The following NDST4 variants were observed in gnomAD, a reference collection of about 807,000 sequenced individuals.
NDST4 encodes the protein N-deacetylase and N-sulfotransferase 4.
Under a neutral mutation model 100.8 loss-of-function variants are expected in NDST4, and 63 were observed. The ratio of observed to expected loss-of-function variants is 0.62; its 90% CI spans 0.51 to 0.77. NDST4 has a LOEUF of 0.77. Ranked by LOEUF, NDST4 falls within the 30% of genes least tolerant of loss-of-function variation. The pLI is 0.00. For synonymous variants in NDST4, 377 were observed against 361.8 expected, an observed-to-expected ratio of 1.04 and a Z score of -0.48; for missense variants, 943 against 1,018.4, an observed-to-expected ratio of 0.93 and a Z score of 1.01.
chr4:114,846,120 A>G, intron 9 of NDST4, 123 bp from the exon 10 acceptor site: 1 of 787,134 alleles, frequency 1.3e-6, no homozygotes, highest in Non-Finnish European at 2.0e-6. Context: ...ATGCTGTTAT[A>G]GTTTAAATAA....
chr4:114,986,598 C>T (rs1726906367), intron 2 of NDST4, among the ~76,000 whole-genome samples: 1 of 151,778 alleles, frequency 6.6e-6, no homozygotes, highest in African/African-American at 2.4e-5. Context: ...AAGATCATCT[C>T]AAACTATGTC....
At chr4:115,056,818 T>C (rs1578487501) in intron 2 of NDST4, among the ~76,000 whole-genome samples, 1 of 152,174 alleles carries the variant, frequency 6.6e-6, no homozygotes, top group East Asian at 1.9e-4. Context: ...TTGATGTTCT[T>C]TTATGAAATG....
At chr4:115,084,833 A>G (rs1362879456) in intron 1 of NDST4, among the ~76,000 whole-genome samples, 1 of 151,398 alleles carries the variant, frequency 6.6e-6, no homozygotes, top group Non-Finnish European at 1.5e-5. Context: ...TTCATGGAGA[A>G]CCTCTTCTAG....
chr4:115,031,704 G>C (rs766231468), intron 2 of NDST4, among the ~76,000 whole-genome samples: 39 of 152,098 alleles, frequency 2.6e-4, no homozygotes, highest in African/African-American at 7.7e-4. Flanking sequence ...AGAGTGAAAA[G>C]TTGTCCTAGT....
At chr4:114,834,357 T>C (rs1206410211) in intron 11 of NDST4, among the ~76,000 whole-genome samples, 1 of 151,780 alleles carries the variant, frequency 6.6e-6, no homozygotes, top group Non-Finnish European at 1.5e-5. Flanking sequence ...CTACTAAAAA[T>C]ACAAAAATTA....
chr4:115,089,739 G>A (rs938219966), intron 1 of NDST4, among the ~76,000 whole-genome samples: 4 of 151,770 alleles, frequency 2.6e-5, no homozygotes, highest in South Asian at 2.1e-4. Flanking sequence ...TTAAATTGAC[G>A]TTCAATGTTA....
chr4:115,056,835 A>G (rs1046446921), intron 2 of NDST4, among the ~76,000 whole-genome samples: 2 of 152,190 alleles, frequency 1.3e-5, no homozygotes, highest in Non-Finnish European at 2.9e-5. Context: ...AATGTAAATT[A>G]TAGAAAAAGA....
chr4:115,098,653 C>A (rs72900643), intron 1 of NDST4, among the ~76,000 whole-genome samples: 4,397 of 152,144 alleles, frequency 0.029, 220 homozygotes, highest in African/African-American at 0.1. Flanking sequence ...GAATAGTGAT[C>A]CCAAAAATAA....
chr4:114,838,005 CA>C (rs1315752143), intron 11 of NDST4, among the ~76,000 whole-genome samples: 1 of 152,104 alleles, frequency 6.6e-6, no homozygotes, highest in Non-Finnish European at 1.5e-5. Flanking sequence ...AAGAAGTAGG[CA>C]AAGTATATGA....
At chr4:114,905,103 C>A (rs1260867864) in intron 6 of NDST4, among the ~76,000 whole-genome samples, 1 of 149,196 alleles carries the variant, frequency 6.7e-6, no homozygotes, top group Non-Finnish European at 1.5e-5. Context: ...TCTACCCTGT[C>A]AAAAATTTAG....
At chr4:115,058,707 A>G (rs1412808756) in intron 2 of NDST4, among the ~76,000 whole-genome samples, 1 of 152,090 alleles carries the variant, frequency 6.6e-6, no homozygotes, top group Non-Finnish European at 1.5e-5. Context: ...ACAACGTTTG[A>G]AAGTAACATT....
At chr4:115,074,892 T>C (rs1182064681) in intron 2 of NDST4, among the ~76,000 whole-genome samples, 1 of 152,178 alleles carries the variant, frequency 6.6e-6, no homozygotes, top group East Asian at 1.9e-4. Context: ...TTTTTATGTG[T>C]TTGCTAAAAT....
At chr4:115,003,793 G>A (rs559480170) in intron 2 of NDST4, among the ~76,000 whole-genome samples, 6 of 152,010 alleles carry the variant, frequency 3.9e-5, no homozygotes, top group African/African-American at 7.2e-5. Context: ...GCTTGAACCC[G>A]GGAGGTGGAG....
chr4:115,098,612 GA>G (rs1409913623), intron 1 of NDST4, among the ~76,000 whole-genome samples: 1 of 152,188 alleles, frequency 6.6e-6, no homozygotes, highest in Non-Finnish European at 1.5e-5. Flanking sequence ...TAGTAATCAA[GA>G]CACCGTGGTG....
chr4:115,072,818 T>A (rs2126288290), intron 2 of NDST4, among the ~76,000 whole-genome samples: 1 of 151,496 alleles, frequency 6.6e-6, no homozygotes, highest in South Asian at 2.1e-4. Flanking sequence ...GCAACAAAAG[T>A]AAAAAAACCA....
chr4:114,976,981 T>C (rs961618863), intron 3 of NDST4, among the ~76,000 whole-genome samples: 31 of 149,218 alleles, frequency 2.1e-4, no homozygotes, highest in African/African-American at 8.0e-4. Context: ...GTTGAAAAAG[T>C]CAATTCTCTT....
At chr4:115,090,014 C>A (rs1306182198) in intron 1 of NDST4, among the ~76,000 whole-genome samples, 1 of 151,312 alleles carries the variant, frequency 6.6e-6, no homozygotes, top group South Asian at 2.1e-4. Flanking sequence ...CCATCTTCAC[C>A]AACTTTAAGT....
Position 114,940,763 on chromosome 4 carries a change from G to A in NDST4, c.1222-3260C>T, listed in dbSNP as rs545733803. On this transcript the variant is annotated intron_variant, in intron 4 of 13. Transcript: ENST00000264363. The stretch of plus-strand genomic sequence containing the variant: ...AATTGAAGGGTGGTGAATGTGGGGC[G>A]GGTTTATTGAGTTTGTCCATGGTCG... 5.3e-5 allele frequency among the ~76,000 whole-genome samples: 8 copies of A among 152,228 alleles called. No homozygotes were observed. In the South Asian group the frequency reaches 1.0e-3, roughly 20 times the overall value.
chr4:114,994,406 T>G (rs1008149283), intron 2 of NDST4, among the ~76,000 whole-genome samples: 2 of 152,000 alleles, frequency 1.3e-5, no homozygotes, highest in Non-Finnish European at 2.9e-5. Context: ...CAAATCTCCT[T>G]GCTTTTTTTC....
Sources: gnomAD v4.1 joint callset for allele counts (sites outside exome capture counted in the v4.1 genomes callset) on GRCh38, gnomAD v4.1.1 for gene constraint, MANE v1.5 for transcripts, NCBI Gene and HGNC (gene_info 2026-07-23, HGNC 2026-07-21) for gene names.